Variants in CDH23 observed in about 807,000 individuals in gnomAD.
The protein encoded by CDH23 is cadherin-23.
Under a neutral mutation model 317.1 loss-of-function variants are expected in CDH23, and 189 were observed. The ratio of observed to expected loss-of-function variants is 0.60; its 90% CI spans 0.53 to 0.67. The LOEUF (loss-of-function observed/expected upper bound fraction) is 0.67, where lower values mean the gene tolerates loss of function less well. Ranked by LOEUF, CDH23 falls within the 30% of genes least tolerant of loss-of-function variation. The pLI, the probability that CDH23 is intolerant of heterozygous loss-of-function variation, is 0.00. For missense variants in CDH23, 4,401 were observed against 4,592.4 expected (o/e 0.96, Z 1.20); for synonymous variants, 1,839 against 1,876.8 (o/e 0.98, Z 0.52).
intron 22 of CDH23, among the ~76,000 whole-genome samples, chr10:71,698,621 C>T (rs1014678966): frequency 6.6e-6 from 1 of 152,066 alleles, no homozygotes; most frequent in Non-Finnish European, 1.5e-5. Context: ...AGCCTTTGCA[C>T]GAGCCCTTTC....
At chr10:71,600,902 T>C (rs79113729) in intron 9 of CDH23, among the ~76,000 whole-genome samples, 2,816 of 152,278 alleles carry the variant, frequency 0.018, 187 homozygotes, top group East Asian at 0.16. Flanking sequence ...GTTTTCAGAC[T>C]GGGGGCTCTG....
intron 1 of CDH23, among the ~76,000 whole-genome samples, chr10:71,398,624 C>T (rs1234461576): frequency 6.6e-6 from 1 of 151,920 alleles, no homozygotes; most frequent in Non-Finnish European, 1.5e-5. Context: ...GTGCTTGGTT[C>T]GTGGTGCAGG....
intron 3 of CDH23, among the ~76,000 whole-genome samples, chr10:71,462,378 G>T (rs1007627679): frequency 6.6e-6 from 1 of 152,250 alleles, no homozygotes; most frequent in East Asian, 1.9e-4. Flanking sequence ...ATCTGCTTTA[G>T]AGGGAGCCCT....
At chr10:71,762,092 G>T in intron 38 of CDH23, 1 of 1,492,890 alleles carries the variant, frequency 6.7e-7, no homozygotes. Context: ...ACCCCAGAGC[G>T]GGGAAGAACC....
In CDH23 at chr10:71,679,492, G is replaced by A. The variant is rs1339760824; in HGVS notation, c.1858G>A (p.Val620Met). ...FDISLYEGYG[V>M]ISVSRPLDYE... ...CATCAGCCTGTACGAGGGCTATGGAGGTAGGTGTGGGGCAGAACTCGGGGC... is the reference window on the plus strand; with the variant it reads ...CATCAGCCTGTACGAGGGCTATGGAAGTAGGTGTGGGGCAGAACTCGGGGC... Residue 620 changes from valine to methionine, a missense_variant and splice_region_variant, in exon 17 of 70, where the codon GTG (valine) becomes ATG (methionine). This residue lies in a region of CDH23 where 3,068 missense variants were observed against 3,203.3 expected (regional missense o/e 0.96). Transcript: ENST00000224721. 6.2e-7 allele frequency: 1 copy of A among 1,603,856 alleles called. No homozygotes were observed. Among genetic ancestry groups the A allele is most frequent in the East Asian group, 2.2e-5 (1 of 44,658 alleles).
chr10:71,400,832 TA>T, intron 1 of CDH23, among the ~76,000 whole-genome samples: 1 of 152,210 alleles, frequency 6.6e-6, no homozygotes, highest in East Asian at 1.9e-4. Flanking sequence ...AATAGAAATT[TA>T]AAAATAACTA....
intron 41 of CDH23, among the ~76,000 whole-genome samples, chr10:71,781,984 G>C (rs1253106368): frequency 1.3e-5 from 2 of 152,220 alleles, no homozygotes; most frequent in Non-Finnish European, 2.9e-5. Flanking sequence ...CAGCACCGCT[G>C]TCTGGAGAGA....
intron 1 of CDH23, among the ~76,000 whole-genome samples, chr10:71,418,186 G>GT (rs1051837080): frequency 6.6e-6 from 1 of 151,664 alleles, no homozygotes. Context: ...TTTATTGACT[G>GT]TTTTTTTCTT....
At chr10:71,448,313 T>C (rs941622410) in intron 3 of CDH23, among the ~76,000 whole-genome samples, 1 of 152,230 alleles carries the variant, frequency 6.6e-6, no homozygotes, top group South Asian at 2.1e-4. Flanking sequence ...GGCTCTTGAT[T>C]GTCTTTTGCA....
Position 71,803,233 on chromosome 10 carries a change from C to T in CDH23, c.7685C>T (p.Ser2562Leu), listed in dbSNP as rs538435711. The T allele has an allele frequency of 2.6e-5, 42 of 1,603,208 alleles. No individual in the cohort carries two copies. The South Asian group carries it at 2.8e-4, about 11-fold the overall frequency. ...GVEAFHVDMD[S>L]GLVTTQRPLQ... ...GAGGCCTTCCATGTGGACATGGACT[C>T]GGGCTTGGTGACCACACAGCGGCCA... Residue 2562 changes from serine (S) to leucine (L), a missense_variant, in exon 55 of 70, where the codon TCG becomes TTG. Ser to Leu is a moderately radical substitution (Grantham distance 145). Transcript: ENST00000224721.
intron 6 of CDH23, among the ~76,000 whole-genome samples, chr10:71,565,677 T>C (rs1857357943): frequency 6.6e-6 from 1 of 152,190 alleles, no homozygotes; most frequent in Non-Finnish European, 1.5e-5. Flanking sequence ...ACTACTGTCT[T>C]CTCAGCACTT....
chr10:71,488,252 G>C (rs368869025), intron 3 of CDH23, among the ~76,000 whole-genome samples: 3 of 152,256 alleles, frequency 2.0e-5, no homozygotes, highest in Non-Finnish European at 2.9e-5. Flanking sequence ...CATTTACTAA[G>C]AGAAAGGAGG....
chr10:71,597,180 C>T (rs1225505474), intron 9 of CDH23, among the ~76,000 whole-genome samples: 1 of 151,918 alleles, frequency 6.6e-6, no homozygotes, highest in Non-Finnish European at 1.5e-5. Context: ...CAGGCCTGGG[C>T]AGGAACCGAT....
intron 34 of CDH23, among the ~76,000 whole-genome samples, chr10:71,736,779 C>T (rs1316027958): frequency 6.6e-6 from 1 of 152,192 alleles, no homozygotes; most frequent in Non-Finnish European, 1.5e-5. Flanking sequence ...TAGACATATC[C>T]CTTGCCTTCC....
chr10:71,525,804 A>G (rs1855007101), intron 6 of CDH23, among the ~76,000 whole-genome samples: 1 of 146,602 alleles, frequency 6.8e-6, no homozygotes, highest in South Asian at 2.1e-4. Flanking sequence ...CAGAAACCAG[A>G]GAAAGAGGCG....
chr10:71,667,162 G>A (rs1041574557), intron 14 of CDH23, among the ~76,000 whole-genome samples: 5 of 152,202 alleles, frequency 3.3e-5, no homozygotes, highest in Non-Finnish European at 2.9e-5. Flanking sequence ...AGCCCCGTGC[G>A]GGGCATTCCT....
At position 71,397,266 on chromosome 10, in the gene CDH23, A is replaced by T; in HGVS notation, c.-58A>T. 1.1e-5 allele frequency: 2 copies of T among 181,570 alleles called. No homozygotes were observed. Among genetic ancestry groups the T allele is most frequent in the Middle Eastern group, 2.2e-3 (2 of 896 alleles). 11.2% of individuals were successfully genotyped at this position (181,570 alleles called of 1,614,324 possible). Reference sequence around the variant, plus strand: ...CGGCCCGCGGGGGCCGATCCGGCGGAGAGCAGAGCCCGAGGCGAGGCGAGG... The same window carrying T: ...CGGCCCGCGGGGGCCGATCCGGCGGTGAGCAGAGCCCGAGGCGAGGCGAGG... On this transcript the variant is annotated 5_prime_UTR_variant, in exon 1 of 70. Coordinates refer to ENST00000224721, the MANE Select transcript of CDH23 (RefSeq NM_022124.6). The surrounding 1 kb of genome is among the most constrained non-coding windows in gnomAD (Gnocchi z 4.8).
chr10:71,686,008 G>T (rs1043164411), intron 18 of CDH23, among the ~76,000 whole-genome samples: 7 of 151,990 alleles, frequency 4.6e-5, no homozygotes, highest in African/African-American at 1.7e-4. Context: ...AAACCACAGG[G>T]CTCCAGGAGG....
intron 3 of CDH23, among the ~76,000 whole-genome samples, chr10:71,470,216 G>A (rs933787611): frequency 5.3e-5 from 8 of 152,148 alleles, no homozygotes; most frequent in African/African-American, 1.7e-4. Context: ...AGTGGGCGGG[G>A]GTCCCAGCTG....
Sources: gnomAD v4.1 joint callset for allele counts (sites outside exome capture counted in the v4.1 genomes callset) on GRCh38, gnomAD v4.1.1 for gene constraint, gnomAD v4.1.1 regional missense constraint, Gnocchi (gnomAD v3.1) non-coding constraint, MANE v1.5 for transcripts, NCBI Gene and HGNC (gene_info 2026-07-23, HGNC 2026-07-21) for gene names.